The following CCDC88C variants were observed in gnomAD, a reference collection of about 807,000 sequenced individuals.
CCDC88C encodes protein Daple.
A neutral mutation model predicts 198.8 loss-of-function variants in CCDC88C; 131 were observed. That is an observed-to-expected ratio of 0.66 (90% CI 0.57 to 0.76). The LOEUF is 0.76. CCDC88C is among the 30% of genes least tolerant of loss of function. The probability of loss-of-function intolerance (pLI) is 0.00; values close to 1 mark genes in which losing one functional copy is unlikely to be tolerated. For synonymous variants in CCDC88C, 1,166 were observed against 1,114.7 expected, an observed-to-expected ratio of 1.05 and a Z score of -0.92; for missense variants, 2,553 against 2,631.6, an observed-to-expected ratio of 0.97 and a Z score of 0.65.
At chr14:91,372,550 G>GGGGGGGGGGGT in intron 3 of CCDC88C, among the ~76,000 whole-genome samples, 1 of 122,772 alleles carries the variant, frequency 8.1e-6, no homozygotes, top group Non-Finnish European at 1.7e-5. Flanking sequence ...GGCGGGGGGG[G>GGGGGGGGGGGT]GAGGCGTGTG....
At position 91,313,620 on chromosome 14, in the gene CCDC88C, C is replaced by G; in HGVS notation, c.2196G>C (p.Gln732His). The G allele has an allele frequency of 1.2e-6, 2 of 1,612,652 alleles. No homozygotes were observed. The highest frequency in any genetic ancestry group is 1.7e-6 in the Non-Finnish European group (2 of 1,179,892). ...KLAQMERENQ[Q>H]LEREKEELRK... ...TCAGCTCCTCCTTCTCACGCTCCAG[C>G]TGCTGGTTCTCCCTCTCCATCTGTG... The change falls in exon 15 of 30, where the codon CAG becomes CAC. Residue 732 changes from glutamine to histidine, a missense_variant. Physicochemically the swap from Gln to His is conservative, Grantham distance 24 (BLOSUM62 0). Around this residue, in one of 2 missense-constraint regions of CCDC88C, gnomAD observed 1,260 missense variants for 1,412.0 expected, o/e 0.89. Coordinates refer to ENST00000389857, the MANE Select transcript of CCDC88C (RefSeq NM_001080414.4). This position sits in a 1 kb window ranked among gnomAD's most constrained non-coding sequence, Gnocchi z 5.2.
At chr14:91,346,465 T>C (rs1050479949) in intron 4 of CCDC88C, among the ~76,000 whole-genome samples, 1 of 149,626 alleles carries the variant, frequency 6.7e-6, no homozygotes, top group African/African-American at 2.4e-5. Flanking sequence ...AATGGAAAAA[T>C]TCTCAAAATC....
intron 4 of CCDC88C, among the ~76,000 whole-genome samples, chr14:91,351,890 C>T (rs1358877007): frequency 6.6e-6 from 1 of 152,122 alleles, no homozygotes; most frequent in East Asian, 1.9e-4. Flanking sequence ...CCTCGGAGCA[C>T]CCTCACCCCA....
At chr14:91,343,513 T>G (rs1268773118) in intron 5 of CCDC88C, 86 bp downstream of exon 5, 2 of 1,572,236 alleles carry the variant, frequency 1.3e-6, no homozygotes, top group Non-Finnish European at 1.7e-6. Context: ...TCCTCCCACC[T>G]AAGCTAAGGG....
chr14:91,416,707 C>A, intron 2 of CCDC88C, 31 bp downstream of exon 2: 1 of 1,492,468 alleles, frequency 6.7e-7, no homozygotes, highest in Non-Finnish European at 9.3e-7. Context: ...ACGCACCATT[C>A]TTTCCTTCCT....
At chr14:91,398,891 G>A (rs2139996602) in intron 3 of CCDC88C, among the ~76,000 whole-genome samples, 1 of 152,260 alleles carries the variant, frequency 6.6e-6, no homozygotes, top group African/African-American at 2.4e-5. Flanking sequence ...GCTTTCCTCG[G>A]CCCAGACGGC....
intron 29 of CCDC88C, among the ~76,000 whole-genome samples, chr14:91,276,072 G>A (rs534676512): frequency 6.6e-5 from 10 of 151,290 alleles, no homozygotes; most frequent in African/African-American, 9.7e-5. Context: ...CGCCCGTCTC[G>A]GCCTCCCGAA....
At chr14:91,305,714 G>T in intron 19 of CCDC88C, 51 bp downstream of exon 19, 2 of 1,558,398 alleles carry the variant, frequency 1.3e-6, no homozygotes, top group Non-Finnish European at 1.7e-6. Flanking sequence ...AGGAGCCACA[G>T]ATAAACATCC....
chr14:91,273,041 G>C lies in CCDC88C; in HGVS notation c.5671C>G (p.Pro1891Ala), dbSNP rs1467992439. Residue 1891 changes from proline (P) to alanine (A), a missense_variant, in exon 30 of 30, where the codon CCA becomes GCA. Pro to Ala is a conservative substitution (Grantham distance 27). Coordinates refer to ENST00000389857, the MANE Select transcript of CCDC88C (RefSeq NM_001080414.4). The surrounding 1 kb of genome is among the most constrained non-coding windows in gnomAD (Gnocchi z 5.6). The part of the protein sequence containing the change: ...LDTRRFSLAP[P>A]KEERLAPLHQ... ...AGGGGGGCCAGCCTCTCCTCCTTTG[G>C]GGGAGCCAGGGAGAAGCGCCTCGTG... The C allele has an allele frequency of 1.3e-6, 2 of 1,555,160 alleles. No individual in the cohort carries two copies. Among genetic ancestry groups the C allele is most frequent in the Non-Finnish European group, 1.7e-6 (2 of 1,152,722 alleles).
At chr14:91,328,587 A>G (rs1892672811) in intron 10 of CCDC88C, among the ~76,000 whole-genome samples, 1 of 152,180 alleles carries the variant, frequency 6.6e-6, no homozygotes, top group African/African-American at 2.4e-5. Flanking sequence ...AGGAGGCTCA[A>G]GAGCTCACTT....
rs112623897 is a variant in CCDC88C, at chr14:91,371,243, C to CTT, written c.271-11534_271-11533dup. On this transcript the variant is annotated intron_variant, in intron 3 of 29. Coordinates refer to ENST00000389857, the MANE Select transcript of CCDC88C (RefSeq NM_001080414.4). This position sits in a 1 kb window ranked among gnomAD's most constrained non-coding sequence, Gnocchi z 4.2. ...ACTGTGACTTCATGGTGGTAGAGTA[C>CTT]TTTTTTTTTTTAAGCTTCTTGGCAA... is the stretch of plus-strand genomic sequence containing the variant. Among the ~76,000 whole-genome samples, 1 of 148,204 alleles carries CTT rather than the reference C, an allele frequency of 6.7e-6. No individual in the cohort carries two copies. Among genetic ancestry groups the CTT allele is most frequent in the Non-Finnish European group, 1.5e-5 (1 of 66,754 alleles).
intron 25 of CCDC88C, chr14:91,285,937 G>A (rs1382108328): frequency 3.1e-6 from 2 of 642,510 alleles, no homozygotes; most frequent in Admixed American, 3.3e-5. Flanking sequence ...TTAGCTAAAT[G>A]TACTTAAGAA....
At chr14:91,351,707 G>A (rs969678028) in intron 4 of CCDC88C, among the ~76,000 whole-genome samples, 1 of 152,002 alleles carries the variant, frequency 6.6e-6, no homozygotes, top group African/African-American at 2.4e-5. Flanking sequence ...CTGCATGCCT[G>A]TGTGGAATGG....
At position 91,291,103 on chromosome 14, in the gene CCDC88C, G is replaced by A. The variant is rs560507685; in HGVS notation, c.4113-19C>T. On this transcript the variant is annotated intron_variant, in intron 23 of 29. Transcript: ENST00000389857. ...TTTGTCTCTGTGAATATAGGAGAAAGAAAACCTATCAATCCAGTTTTAAAT... is the reference window on the plus strand; with the variant it reads ...TTTGTCTCTGTGAATATAGGAGAAAAAAAACCTATCAATCCAGTTTTAAAT... 9.1e-6 allele frequency: 12 copies of A among 1,325,220 alleles called. No individual in the cohort carries two copies. In the Admixed American group the frequency reaches 1.6e-4, roughly 17 times the overall value. 82.1% of individuals were successfully genotyped at this position (1,325,220 alleles called of 1,614,324 possible).
intron 4 of CCDC88C, among the ~76,000 whole-genome samples, chr14:91,344,551 G>A (rs557661677): frequency 1.3e-5 from 2 of 149,116 alleles, no homozygotes; most frequent in East Asian, 3.9e-4. Context: ...TCGCTCTGTC[G>A]CCCAGGCTTG....
At chr14:91,374,558 C>T (rs1201022547) in intron 3 of CCDC88C, among the ~76,000 whole-genome samples, 1 of 151,512 alleles carries the variant, frequency 6.6e-6, no homozygotes, top group African/African-American at 2.4e-5. Context: ...AGGGTGTGAG[C>T]CAGGTGGACG....
At chr14:91,282,238 G>A (rs1890229451) in intron 26 of CCDC88C, among the ~76,000 whole-genome samples, 1 of 152,178 alleles carries the variant, frequency 6.6e-6, no homozygotes, top group East Asian at 1.9e-4. Context: ...CTGTTGCTCT[G>A]TTGTTCAGAC....
chr14:91,355,504 G>A (rs1056206075), intron 4 of CCDC88C, among the ~76,000 whole-genome samples: 10 of 152,180 alleles, frequency 6.6e-5, no homozygotes, highest in Non-Finnish European at 1.5e-4. Context: ...CCCCGGGGGC[G>A]TGGGTGCAGC....
chr14:91,396,191 G>A lies in CCDC88C; in HGVS notation c.270+12468C>T, dbSNP rs187066495. Reference sequence around the variant, plus strand: ...GTTACGAGCCCTGGAGGTGAGCCACGCAGCCGGCTTCACGGAGAGGCAGAG... The same window carrying A: ...GTTACGAGCCCTGGAGGTGAGCCACACAGCCGGCTTCACGGAGAGGCAGAG... On this transcript the variant is annotated intron_variant, in intron 3 of 29. Coordinates refer to ENST00000389857, the MANE Select transcript of CCDC88C (RefSeq NM_001080414.4). Among the ~76,000 whole-genome samples the A allele has an allele frequency of 7.5e-4, 115 of 152,322 alleles. No homozygotes were observed. In the East Asian group the frequency reaches 0.02, roughly 27 times the overall value.
Sources: gnomAD v4.1 joint callset for allele counts (sites outside exome capture counted in the v4.1 genomes callset) on GRCh38, gnomAD v4.1.1 for gene constraint, gnomAD v4.1.1 regional missense constraint, Gnocchi (gnomAD v3.1) non-coding constraint, MANE v1.5 for transcripts, NCBI Gene and HGNC (gene_info 2026-07-23, HGNC 2026-07-21) for gene names.